PCED1B: variants seen among roughly 807,000 people sequenced by gnomAD.
PCED1B encodes the protein PC-esterase domain-containing protein 1B.
For synonymous variants in PCED1B, 251 were observed against 246.1 expected (o/e 1.02, Z -0.19); for missense variants, 573 against 573.9 (o/e 1.00, Z 0.02).
chr12:47,211,868 G>A (rs1249102047), intron 2 of PCED1B, among the ~76,000 whole-genome samples: 1 of 151,440 alleles, frequency 6.6e-6, no homozygotes, highest in Non-Finnish European at 1.5e-5. Context: ...GAGGTCAGGA[G>A]ATCGAGACCA....
At chr12:47,089,474 ATATATATATATATATATATG>A (rs66663246) in intron 1 of PCED1B, among the ~76,000 whole-genome samples, 12,958 of 114,918 alleles carry the variant, frequency 0.11, 1,373 homozygotes, top group South Asian at 0.32. Flanking sequence ...ATATATATAT[ATATATATATATATATATATG>A]TATATACCAA....
intron 1 of PCED1B, among the ~76,000 whole-genome samples, chr12:47,081,527 A>G (rs1937720579): frequency 6.6e-6 from 1 of 152,324 alleles, no homozygotes. Flanking sequence ...GTTGAATTTT[A>G]TCATAAGAAC....
chr12:47,230,274 C>G (rs773842622), intron 3 of PCED1B, among the ~76,000 whole-genome samples: 1 of 150,468 alleles, frequency 6.6e-6, no homozygotes, highest in Non-Finnish European at 1.5e-5. Flanking sequence ...TTAGTAGAGA[C>G]GGGGTTTCAC....
chr12:47,209,112 G>A (rs1943000980), intron 2 of PCED1B: 1 of 152,378 alleles, frequency 6.6e-6, no homozygotes, highest in Non-Finnish European at 1.5e-5. Flanking sequence ...GCAAAGACCA[G>A]GGCAGGCAGA....
intron 2 of PCED1B, among the ~76,000 whole-genome samples, chr12:47,213,293 G>T (rs1943149785): frequency 6.6e-6 from 1 of 152,170 alleles, no homozygotes. Context: ...ATATGTGCTT[G>T]AAAGTACTAA....
chr12:47,220,914 C>T (rs979896805), intron 3 of PCED1B, among the ~76,000 whole-genome samples: 2 of 152,116 alleles, frequency 1.3e-5, no homozygotes, highest in African/African-American at 4.8e-5. Flanking sequence ...AACATAAAGA[C>T]ATGAGAAAAG....
intron 2 of PCED1B, among the ~76,000 whole-genome samples, chr12:47,174,615 A>G (rs184831741): frequency 2.8e-4 from 43 of 152,300 alleles, no homozygotes; most frequent in African/African-American, 9.6e-4. Flanking sequence ...CGCCTCATCT[A>G]TTCCAGCATT....
chr12:47,095,492 A>G (rs894368025), intron 1 of PCED1B, among the ~76,000 whole-genome samples: 7 of 152,068 alleles, frequency 4.6e-5, no homozygotes, highest in African/African-American at 1.7e-4. Context: ...CTCTTTGAAT[A>G]TTGCTTCTCC....
chr12:47,156,020 A>G (rs1291020303), intron 2 of PCED1B, among the ~76,000 whole-genome samples: 2 of 152,206 alleles, frequency 1.3e-5, no homozygotes, highest in Admixed American at 1.3e-4. Flanking sequence ...GTGCTGCATC[A>G]TTGTTTATCT....
In PCED1B at chr12:47,137,689, C is replaced by T. The variant is rs944955301; in HGVS notation, c.-526+33494C>T. Among the ~76,000 whole-genome samples, 5 of 142,138 alleles carry T rather than the reference C, an allele frequency of 3.5e-5. No individual in the cohort carries two copies. In the East Asian group the frequency reaches 1.1e-3, roughly 30 times the overall value. 93.2% of individuals were successfully genotyped at this position (142,138 alleles called of 152,430 possible). On this transcript the variant is annotated intron_variant, in intron 2 of 3. Coordinates refer to ENST00000546455, the MANE Select transcript of PCED1B (RefSeq NM_138371.3). ...GCTGCATTGAGCTGAAATCATGCCA[C>T]TGCACTCCAGCCTGGGTGACAGGGT...
intron 2 of PCED1B, among the ~76,000 whole-genome samples, chr12:47,167,397 A>G (rs1941579069): frequency 6.6e-6 from 1 of 152,088 alleles, no homozygotes; most frequent in African/African-American, 2.4e-5. Context: ...TGAAAAGGGC[A>G]TTGTGGCTGT....
At chr12:47,194,916 T>G (rs1942554528) in intron 2 of PCED1B, among the ~76,000 whole-genome samples, 1 of 152,242 alleles carries the variant, frequency 6.6e-6, no homozygotes, top group Non-Finnish European at 1.5e-5. Flanking sequence ...ATCTTCATTT[T>G]GAGTATTGTG....
intron 3 of PCED1B, among the ~76,000 whole-genome samples, chr12:47,230,828 G>A (rs1943784511): frequency 6.6e-6 from 1 of 152,178 alleles, no homozygotes; most frequent in Admixed American, 6.5e-5. Flanking sequence ...GGGTTTGGAA[G>A]AATTTTGGAA....
rs746619238 is a variant in PCED1B, at chr12:47,235,403, C to A, written c.340C>A (p.His114Asn). 1 of 1,614,064 alleles carries A rather than the reference C, an allele frequency of 6.2e-7. No individual in the cohort carries two copies. The highest frequency in any genetic ancestry group is 2.2e-5 in the East Asian group (1 of 44,896). ...CTTGAAAGAGCTGCAGTCGGGCGAG[C>A]ACGCCCCCGACCTGGTCATCATGAA... is the stretch of plus-strand genomic sequence containing the variant. ...TILKELQSGE[H>N]APDLVIMNSC... The change falls in exon 4 of 4, where the codon CAC (histidine) becomes AAC (asparagine). Residue 114 changes from histidine to asparagine, a missense_variant. Coordinates refer to ENST00000546455, the MANE Select transcript of PCED1B (RefSeq NM_138371.3).
chr12:47,080,919 A>G (rs1478430379), intron 1 of PCED1B, among the ~76,000 whole-genome samples: 1 of 152,004 alleles, frequency 6.6e-6, no homozygotes, highest in Admixed American at 6.6e-5. Flanking sequence ...GGGACAGGGA[A>G]GTAAGGGGCG....
At chr12:47,199,479 T>C (rs1942702259) in intron 2 of PCED1B, among the ~76,000 whole-genome samples, 1 of 152,192 alleles carries the variant, frequency 6.6e-6, no homozygotes, top group African/African-American at 2.4e-5. Flanking sequence ...TGACACTATC[T>C]GGCATCGAGT....
chr12:47,100,347 C>T (rs1360355802), intron 1 of PCED1B, among the ~76,000 whole-genome samples: 2 of 152,194 alleles, frequency 1.3e-5, no homozygotes, highest in Admixed American at 1.3e-4. Flanking sequence ...AATTTTACAG[C>T]ATGAGTCATT....
At chr12:47,157,375 C>T (rs1467551055) in intron 2 of PCED1B, among the ~76,000 whole-genome samples, 1 of 152,104 alleles carries the variant, frequency 6.6e-6, no homozygotes, top group Non-Finnish European at 1.5e-5. Flanking sequence ...GATGGCTTGA[C>T]ACTAAGAGGT....
chr12:47,213,865 C>G (rs913883715), intron 2 of PCED1B, among the ~76,000 whole-genome samples: 6 of 152,140 alleles, frequency 3.9e-5, no homozygotes, highest in Admixed American at 3.9e-4. Flanking sequence ...ATCTGTTGAT[C>G]TCAACTTTAT....
Sources: allele counts gnomAD v4.1 joint callset (sites outside exome capture counted in the v4.1 genomes callset), GRCh38; gene constraint gnomAD v4.1.1; transcripts MANE v1.5; gene names NCBI Gene and HGNC (gene_info 2026-07-23, HGNC 2026-07-21).